The following SERPINB11 variants were observed in gnomAD, a reference collection of about 807,000 sequenced individuals.
SERPINB11 encodes serpin family B member 11.
SERPINB11 carries 32 observed loss-of-function variants against 36.7 expected under a neutral mutation model. The observed-to-expected ratio is 0.87, with a 90% confidence interval of 0.66 to 1.17. The LOEUF is 1.17. Ranked by LOEUF, SERPINB11 falls within the 50% of genes most tolerant of loss-of-function variation. The pLI is 0.00. For synonymous variants in SERPINB11, 174 were observed against 168.1 expected, an observed-to-expected ratio of 1.04 and a Z score of -0.27; for missense variants, 528 against 458.4, an observed-to-expected ratio of 1.15 and a Z score of -1.39.
chr18:63,721,697 T>G (rs551597435), intron 7 of SERPINB11, among the ~76,000 whole-genome samples: 2 of 152,224 alleles, frequency 1.3e-5, no homozygotes, highest in Non-Finnish European at 2.9e-5. Context: ...GAAGGAACAC[T>G]GTGGCACAGG....
chr18:63,717,650 G>A (rs1914702371), intron 5 of SERPINB11, among the ~76,000 whole-genome samples: 1 of 151,464 alleles, frequency 6.6e-6, no homozygotes, highest in African/African-American at 2.4e-5. Flanking sequence ...CCTTTGTGAA[G>A]TTTCTGTTTA....
In SERPINB11 at chr18:63,710,317, G is replaced by T. The variant is rs1568183891; in HGVS notation, c.124G>T (p.Val42Phe). The T allele has an allele frequency of 2.5e-6, 4 of 1,613,556 alleles. No homozygotes were observed. The highest frequency in any genetic ancestry group is 2.5e-6 in the Non-Finnish European group (3 of 1,179,672). Residue 42 changes from valine to phenylalanine, a missense_variant, in exon 2 of 8, where the codon GTC (valine) becomes TTC (phenylalanine). By Grantham distance (50) the Val-to-Phe change is conservative (BLOSUM62 -1). Transcript: ENST00000544088. ...GAGTCTGCTTTATGCTCTAAGCATG[G>T]TCCTCCTTGGTGCCAGGGGAGAGAC... ...SLSLLYALSMVLLGARGETEE... is the reference protein window; with the variant it reads ...SLSLLYALSMFLLGARGETEE...
chr18:63,709,589 C>T (rs528821781), intron 1 of SERPINB11, among the ~76,000 whole-genome samples: 6 of 100,698 alleles, frequency 6.0e-5, no homozygotes, highest in Admixed American at 4.9e-4. Context: ...CCAGTCTGGG[C>T]GACAGAGCGA....
intron 2 of SERPINB11, 48 bp downstream of exon 2, chr18:63,710,409 C>A (rs763394255): frequency 2.0e-6 from 3 of 1,514,278 alleles, no homozygotes; most frequent in Admixed American, 2.1e-5. Context: ...GTCTTTCATG[C>A]TCCCGCTCTG....
At chr18:63,720,753 G>A (rs1165479597) in intron 6 of SERPINB11, 78 bp from the exon 7 acceptor site, 11 of 1,042,078 alleles carry the variant, frequency 1.1e-5, no homozygotes, top group Admixed American at 4.6e-5. Context: ...GCAGATATCC[G>A]TGTTATGCAA....
At chr18:63,711,919 A>C (rs2144537440) in intron 3 of SERPINB11, among the ~76,000 whole-genome samples, 1 of 152,302 alleles carries the variant, frequency 6.6e-6, no homozygotes, top group Non-Finnish European at 1.5e-5. Flanking sequence ...ACATAAATGC[A>C]TATAGACTCA....
At chr18:63,719,215 A>G (rs1333996800) in intron 5 of SERPINB11, among the ~76,000 whole-genome samples, 1 of 152,088 alleles carries the variant, frequency 6.6e-6, no homozygotes, top group African/African-American at 2.4e-5. Flanking sequence ...TATGTAGAAT[A>G]TTAATGTTAT....
intron 1 of SERPINB11, among the ~76,000 whole-genome samples, chr18:63,703,924 G>T (rs1012598903): frequency 5.9e-5 from 9 of 151,568 alleles, no homozygotes; most frequent in Admixed American, 1.3e-4. Flanking sequence ...TCTTTTCTTC[G>T]TTTCTGTCAT....
At chr18:63,706,631 G>A (rs1403301) in intron 1 of SERPINB11, among the ~76,000 whole-genome samples, 62,344 of 152,076 alleles carry the variant, frequency 0.41, 14,168 homozygotes, top group Non-Finnish European at 0.53. Context: ...GAGTAAGTGG[G>A]CTAACTGGCC....
intron 7 of SERPINB11, among the ~76,000 whole-genome samples, chr18:63,721,903 T>C (rs1047502365): frequency 6.6e-6 from 1 of 152,168 alleles, no homozygotes; most frequent in Non-Finnish European, 1.5e-5. Context: ...TAAGGGCCTG[T>C]GGTTGACTGG....
chr18:63,723,134 G>A lies in SERPINB11; in HGVS notation c.914G>A (p.Gly305Glu). Residue 305 changes from glycine to glutamate, a missense_variant, in exon 8 of 8, where the codon GGG (glycine) becomes GAG (glutamate). Gly to Glu is a moderately conservative substitution (Grantham distance 98). Transcript: ENST00000544088. ...CTAAATTCCCTGTTAAAATCTCTAG[G>A]GGTGACAGATCTCTTCAACCAGGTC... Reference protein sequence around the residue: ...YELNSLLKSLGVTDLFNQVKA... With the variant: ...YELNSLLKSLEVTDLFNQVKA... 9 of 1,610,052 alleles carry A rather than the reference G, an allele frequency of 5.6e-6. No individual in the cohort carries two copies. Among genetic ancestry groups the A allele is most frequent in the Non-Finnish European group, 7.6e-6 (9 of 1,177,842 alleles).
At chr18:63,722,648 G>T (rs1353309417) in intron 7 of SERPINB11, among the ~76,000 whole-genome samples, 1 of 152,152 alleles carries the variant, frequency 6.6e-6, no homozygotes, top group Non-Finnish European at 1.5e-5. Context: ...TCAGATATGA[G>T]AACCCAGAAG....
chr18:63,703,748 T>C (rs1914299150), intron 1 of SERPINB11, among the ~76,000 whole-genome samples: 1 of 152,136 alleles, frequency 6.6e-6, no homozygotes, highest in Non-Finnish European at 1.5e-5. Flanking sequence ...GAGATGTATT[T>C]CCCCCAAAAG....
chr18:63,705,991 A>G (rs947996387), intron 1 of SERPINB11, among the ~76,000 whole-genome samples: 2 of 152,228 alleles, frequency 1.3e-5, no homozygotes, highest in Non-Finnish European at 2.9e-5. Context: ...AAAGGAAAAC[A>G]TCCTGTCAAA....
upstream of SERPINB11, chr18:63,702,474 C>T (rs940914032): frequency 2.0e-5 from 3 of 152,178 alleles, no homozygotes; most frequent in African/African-American, 7.3e-5. Flanking sequence ...ACCTATAATC[C>T]CAGCTACTCA....
At chr18:63,703,936 A>T (rs867546862) in intron 1 of SERPINB11, among the ~76,000 whole-genome samples, 2 of 148,740 alleles carry the variant, frequency 1.3e-5, no homozygotes, top group Middle Eastern at 3.4e-3. Flanking sequence ...TTCTGTCATA[A>T]CAACTTCCAG....
intron 5 of SERPINB11, among the ~76,000 whole-genome samples, 173 bp downstream of exon 5, chr18:63,716,325 A>C (rs1004659498): frequency 2.0e-5 from 3 of 152,190 alleles, no homozygotes; most frequent in African/African-American, 4.8e-5. Flanking sequence ...TCTAGAAGCT[A>C]TACAAAGTGA....
rs1914766426 is a variant in SERPINB11, at chr18:63,720,092, A to T, written c.555A>T (p.Lys185Asn). Residue 185 changes from lysine to asparagine, a missense_variant, in exon 6 of 8, where the codon AAA becomes AAT. Transcript: ENST00000544088. ...VMVLVNAIYF[K>N]GQWQNKFQVR... Reference sequence around the variant, plus strand: ...TCCTGGTGAATGCCATATATTTCAAAGGACAATGGCAAAATAAATTTCAAG... The same window carrying T: ...TCCTGGTGAATGCCATATATTTCAATGGACAATGGCAAAATAAATTTCAAG... 1 of 1,610,772 alleles carries T rather than the reference A, an allele frequency of 6.2e-7. No homozygotes were observed. Among genetic ancestry groups the T allele is most frequent in the Non-Finnish European group, 8.5e-7 (1 of 1,177,404 alleles).
chr18:63,719,398 T>C (rs1914747236), intron 5 of SERPINB11, among the ~76,000 whole-genome samples: 1 of 152,110 alleles, frequency 6.6e-6, no homozygotes, highest in Middle Eastern at 3.2e-3. Context: ...TGTTTCATAT[T>C]GTATAACAGA....
Sources: allele counts gnomAD v4.1 joint callset (sites outside exome capture counted in the v4.1 genomes callset), GRCh38; gene constraint gnomAD v4.1.1; transcripts MANE v1.5; gene names NCBI Gene and HGNC (gene_info 2026-07-23, HGNC 2026-07-21).